DLGAP2: variants seen among roughly 807,000 people sequenced by gnomAD.
DLGAP2 encodes disks large-associated protein 2.
In DLGAP2, 26 loss-of-function variants were observed where a neutral mutation model predicts 100.3. The observed-to-expected ratio is 0.26, with a 90% CI of 0.19 to 0.36. DLGAP2 has a LOEUF of 0.36. Ranked by LOEUF, DLGAP2 falls within the 10% of genes least tolerant of loss-of-function variation. The probability of loss-of-function intolerance (pLI) is 1.00; values close to 1 mark genes in which losing one functional copy is unlikely to be tolerated. For missense variants in DLGAP2, 1,858 were observed against 1,453.2 expected, an observed-to-expected ratio of 1.28 and a Z score of -4.53; for synonymous variants, 886 against 630.1, an observed-to-expected ratio of 1.41 and a Z score of -6.08.
At chr8:966,072 C>A (rs1191142452) in intron 2 of DLGAP2, among the ~76,000 whole-genome samples, 1 of 152,232 alleles carries the variant, frequency 6.6e-6, no homozygotes, top group African/African-American at 2.4e-5. Flanking sequence ...ACGATCACAG[C>A]TTCTCGCCAG....
At position 1,030,491 on chromosome 8, in the gene DLGAP2, C is replaced by T. The variant is rs573944238; in HGVS notation, c.73+122525C>T. Among the ~76,000 whole-genome samples the T allele has an allele frequency of 6.6e-5, 10 of 152,194 alleles. No homozygotes were observed. In the South Asian group the frequency reaches 2.1e-3, roughly 32 times the overall value. On this transcript the variant is annotated intron_variant, in intron 2 of 14. Transcript: ENST00000637795. ...TGGGGTGCAAAGGTGCTCACGGACT[C>T]GGCTGTAATGTGTATTTTATTATTG...
intron 2 of DLGAP2, among the ~76,000 whole-genome samples, chr8:927,898 G>C (rs1489409619): frequency 6.6e-6 from 1 of 152,250 alleles, no homozygotes; most frequent in South Asian, 2.1e-4. Flanking sequence ...CCAGCACACA[G>C]ATGCACAAGT....
intron 2 of DLGAP2, among the ~76,000 whole-genome samples, chr8:1,138,033 G>T (rs1352222827): frequency 6.6e-6 from 1 of 152,146 alleles, no homozygotes; most frequent in Non-Finnish European, 1.5e-5. Flanking sequence ...ACGGCGCCCG[G>T]CCCCCTCTCT....
intron 1 of DLGAP2, among the ~76,000 whole-genome samples, chr8:874,808 G>A (rs1797659808): frequency 6.6e-6 from 1 of 151,984 alleles, no homozygotes; most frequent in African/African-American, 2.4e-5. Flanking sequence ...TTAAGAGTGT[G>A]GTATTAAAGT....
chr8:1,034,065 GGTTC>G (rs1802060573), intron 2 of DLGAP2, among the ~76,000 whole-genome samples: 1 of 94,176 alleles, frequency 1.1e-5, no homozygotes, highest in Admixed American at 1.1e-4. Flanking sequence ...ACCGCGAGTG[GGTTC>G]ACAGCCTCAT....
intron 2 of DLGAP2, among the ~76,000 whole-genome samples, chr8:1,146,555 GTGTGTGTGCACATGTGTGTGTATGCACA>G (rs1000007201): frequency 8.0e-5 from 12 of 150,774 alleles, no homozygotes; most frequent in Admixed American, 6.7e-4. Context: ...CTCTGGAACT[GTGTGTGTGCACATGTGTGTGTATGCACA>G]TGTGTGTGCA....
intron 1 of DLGAP2, among the ~76,000 whole-genome samples, chr8:806,019 G>GA (rs1796262087): frequency 6.6e-6 from 1 of 152,226 alleles, no homozygotes; most frequent in African/African-American, 2.4e-5. Context: ...AAGATAGAAT[G>GA]ATGCATTTTG....
chr8:1,213,171 C>T (rs900840310), intron 2 of DLGAP2, among the ~76,000 whole-genome samples: 8 of 152,022 alleles, frequency 5.3e-5, no homozygotes, highest in African/African-American at 9.7e-5. Context: ...TTGCTGTGTG[C>T]GGGATGTTAT....
intron 7 of DLGAP2, among the ~76,000 whole-genome samples, chr8:1,631,908 C>T (rs1475512233): frequency 6.6e-6 from 1 of 152,240 alleles, no homozygotes; most frequent in African/African-American, 2.4e-5. Context: ...GCCTTTTACT[C>T]TGCTGACAAC....
At chr8:1,115,098 A>T (rs1200307769) in intron 2 of DLGAP2, among the ~76,000 whole-genome samples, 3 of 152,090 alleles carry the variant, frequency 2.0e-5, no homozygotes, top group African/African-American at 7.2e-5. Flanking sequence ...TTGCCTGAGG[A>T]TTATGTTCAA....
intron 1 of DLGAP2, among the ~76,000 whole-genome samples, chr8:775,970 C>A (rs1355128967): frequency 6.6e-6 from 1 of 151,004 alleles, no homozygotes; most frequent in African/African-American, 2.4e-5. Context: ...GCTGTGAATC[C>A]GTCTGGTCCT....
Position 1,609,552 on chromosome 8 carries a change from G to A in DLGAP2, c.1443-17188G>A, listed in dbSNP as rs1437542649. ...TTCACACATAATATTAACTTTAAAT[G>A]TAAATGGACTAAATGCTCCAATTAA... On this transcript the variant is annotated intron_variant, in intron 6 of 14. Coordinates refer to ENST00000637795, the MANE Select transcript of DLGAP2 (RefSeq NM_001346810.2). Among the ~76,000 whole-genome samples, 5 of 133,924 alleles carry A rather than the reference G, an allele frequency of 3.7e-5. 2 individuals are homozygous for A. The highest frequency in any genetic ancestry group is 8.3e-5 in the Non-Finnish European group (5 of 60,596). 87.9% of individuals were successfully genotyped at this position (133,924 alleles called of 152,430 possible).
chr8:1,098,255 T>G (rs1025368274), intron 2 of DLGAP2, among the ~76,000 whole-genome samples: 1 of 152,226 alleles, frequency 6.6e-6, no homozygotes, highest in African/African-American at 2.4e-5. Context: ...AAAATATGTT[T>G]ACAATTTGGA....
At chr8:1,098,211 C>T (rs1412216002) in intron 2 of DLGAP2, among the ~76,000 whole-genome samples, 1 of 152,250 alleles carries the variant, frequency 6.6e-6, no homozygotes, top group Non-Finnish European at 1.5e-5. Flanking sequence ...GCGTATGCGT[C>T]ACAGAAACTC....
intron 8 of DLGAP2, among the ~76,000 whole-genome samples, chr8:1,658,340 C>T (rs1340589132): frequency 1.3e-5 from 2 of 152,160 alleles, no homozygotes; most frequent in Non-Finnish European, 2.9e-5. Flanking sequence ...CATATCTATG[C>T]CTGACTTCTT....
intron 2 of DLGAP2, among the ~76,000 whole-genome samples, chr8:1,110,659 A>G (rs1320805854): frequency 1.3e-5 from 2 of 151,546 alleles, no homozygotes; most frequent in Admixed American, 1.3e-4. Context: ...GAAAACAATG[A>G]GAAACCCAAA....
At chr8:1,274,180 AAATT>A (rs1179519274) in intron 3 of DLGAP2, among the ~76,000 whole-genome samples, 1 of 151,824 alleles carries the variant, frequency 6.6e-6, no homozygotes, top group Non-Finnish European at 1.5e-5. Context: ...ATTTTAAAAT[AAATT>A]ATGTATTTAT....
chr8:865,831 G>C (rs1370552899), intron 1 of DLGAP2, among the ~76,000 whole-genome samples: 1 of 152,192 alleles, frequency 6.6e-6, no homozygotes, highest in Non-Finnish European at 1.5e-5. Context: ...AGGGTCCTGA[G>C]CTTGCCCCCT....
chr8:994,148 G>C (rs139087374), intron 2 of DLGAP2, among the ~76,000 whole-genome samples: 19 of 152,270 alleles, frequency 1.2e-4, no homozygotes, highest in African/African-American at 4.3e-4. Context: ...TTATTGGGGA[G>C]TTTTGCGAAG....
Sources: gnomAD v4.1 joint callset for allele counts (sites outside exome capture counted in the v4.1 genomes callset) on GRCh38, gnomAD v4.1.1 for gene constraint, MANE v1.5 for transcripts, NCBI Gene and HGNC (gene_info 2026-07-23, HGNC 2026-07-21) for gene names.